FBXL20: variants seen among roughly 807,000 people sequenced by gnomAD.
FBXL20 encodes F-box and leucine rich repeat protein 20.
In FBXL20, 11 loss-of-function variants were observed where a neutral mutation model predicts 64.0. The ratio of observed to expected loss-of-function variants is 0.17; its 90% CI spans 0.11 to 0.28. The LOEUF is 0.28. Ranked by LOEUF, FBXL20 falls within the 10% of genes least tolerant of loss-of-function variation. The pLI, the probability that FBXL20 is intolerant of heterozygous loss-of-function variation, is 1.00. For missense variants in FBXL20, 303 were observed against 526.2 expected (o/e 0.58, Z 4.15); for synonymous variants, 184 against 189.0 (o/e 0.97, Z 0.22).
rs1330856725 is a variant in FBXL20 at position 39,256,014 on chromosome 17, A to G, written c.*5446T>C. 3 of 152,054 alleles carry G rather than the reference A, an allele frequency of 2.0e-5. No homozygotes were observed. Among genetic ancestry groups the G allele is most frequent in the Admixed American group, 6.6e-5 (1 of 15,266 alleles). 9.4% of individuals were successfully genotyped at this position (152,054 alleles called of 1,614,324 possible). On this transcript the variant is annotated 3_prime_UTR_variant, in exon 15 of 15. Transcript: ENST00000264658. ...ACAGCTCTCTGTATCTTCCAATCTT[A>G]CATTTAAAATTTATGATAGAAACTG... is the stretch of plus-strand genomic sequence containing the variant.
intron 2 of FBXL20, among the ~76,000 whole-genome samples, chr17:39,337,135 G>A (rs572067921): frequency 1.1e-3 from 165 of 152,250 alleles, no homozygotes; most frequent in Non-Finnish European, 1.9e-3. Context: ...GCAGGCGCGC[G>A]CCGCCACGCC....
At chr17:39,321,898 C>A (rs919295571) in intron 2 of FBXL20, among the ~76,000 whole-genome samples, 1 of 151,754 alleles carries the variant, frequency 6.6e-6, no homozygotes, top group Non-Finnish European at 1.5e-5. Context: ...AAATCAGTTA[C>A]CATATTCCTA....
intron 10 of FBXL20, among the ~76,000 whole-genome samples, chr17:39,271,717 G>C (rs1427222356): frequency 1.3e-5 from 2 of 151,990 alleles, no homozygotes; most frequent in African/African-American, 4.8e-5. Context: ...CTCCCATGGA[G>C]GCCCAGTTGA....
chr17:39,333,129 GCTCTCCCTCTCCCTCTCCCTCCTCC>G (rs1246639175), intron 2 of FBXL20, among the ~76,000 whole-genome samples: 2 of 151,792 alleles, frequency 1.3e-5, no homozygotes, highest in Non-Finnish European at 2.9e-5. Flanking sequence ...AAAAAATTCA[GCTCTCCCTCTCCCTCTCCCTCCTCC>G]CTCTCCGTCT....
intron 2 of FBXL20, among the ~76,000 whole-genome samples, chr17:39,321,790 A>C (rs865867825): frequency 4.0e-5 from 6 of 151,774 alleles, no homozygotes; most frequent in East Asian, 1.9e-4. Context: ...CAAAAAAAAA[A>C]AAAAAAACAA....
Position 39,268,844 on chromosome 17 carries a change from G to C in FBXL20, c.916C>G (p.Leu306Val), listed in dbSNP as rs1302617112. Residue 306 changes from leucine to valine, a missense_variant, in exon 12 of 15, where the codon CTG becomes GTG. Around this residue, in one of 3 missense-constraint regions of FBXL20, gnomAD observed 246 missense variants for 422.6 expected, o/e 0.58. Transcript: ENST00000264658. ...RNCHELEKMD[L>V]EECVQITDST... ...AATCTTACCTGAACACACTCTTCCA[G>C]GTCCATCTTTTCAAGTTCATGGCAA... 1 of 1,613,708 alleles carries C rather than the reference G, an allele frequency of 6.2e-7. No homozygotes were observed. The highest frequency in any genetic ancestry group is 8.5e-7 in the Non-Finnish European group (1 of 1,179,788).
intron 1 of FBXL20, among the ~76,000 whole-genome samples, chr17:39,361,871 G>A (rs1302360717): frequency 6.6e-6 from 1 of 151,776 alleles, no homozygotes; most frequent in African/African-American, 2.4e-5. Flanking sequence ...GCTGAGGTAT[G>A]AGGACTGCCC....
rs111278231 is a variant in FBXL20, at chr17:39,359,175, A to T, written c.43-15934T>A. 3.3e-3 allele frequency among the ~76,000 whole-genome samples: 506 copies of T among 152,008 alleles called. 4 individuals carry two copies. Among genetic ancestry groups the T allele is most frequent in the African/African-American group, 9.7e-3 (403 of 41,452 alleles). Reference sequence around the variant, plus strand: ...TGGCCAACCCCATATCTACAAAAAAAATATAAAAAATTAGCGTGGCGGCAC... The same window carrying T: ...TGGCCAACCCCATATCTACAAAAAATATATAAAAAATTAGCGTGGCGGCAC... On this transcript the variant is annotated intron_variant, in intron 1 of 14. Coordinates refer to ENST00000264658, the MANE Select transcript of FBXL20 (RefSeq NM_032875.3).
chr17:39,323,011 C>T (rs577879355), intron 2 of FBXL20, among the ~76,000 whole-genome samples: 2 of 150,504 alleles, frequency 1.3e-5, no homozygotes, highest in African/African-American at 4.9e-5. Flanking sequence ...CACTCTGTCG[C>T]CAGGCTGGAG....
chr17:39,342,231 C>T (rs187115988), intron 2 of FBXL20, among the ~76,000 whole-genome samples: 1 of 152,008 alleles, frequency 6.6e-6, no homozygotes, highest in Non-Finnish European at 1.5e-5. Flanking sequence ...GGGCCAGTTA[C>T]CAGAGTCAAG....
intron 1 of FBXL20, among the ~76,000 whole-genome samples, chr17:39,399,526 G>A (rs1597843517): frequency 6.6e-6 from 1 of 151,990 alleles, no homozygotes; most frequent in Non-Finnish European, 1.5e-5. Context: ...TCTGTATTCC[G>A]GCATGGAACA....
At chr17:39,321,157 T>TA (rs71147317) in intron 2 of FBXL20, among the ~76,000 whole-genome samples, 59,503 of 151,928 alleles carry the variant, frequency 0.39, 15,303 homozygotes, top group African/African-American at 0.73. Context: ...ACATGCTGTA[T>TA]AAAACTAATC....
intron 2 of FBXL20, among the ~76,000 whole-genome samples, chr17:39,320,024 G>C (rs1364886523): frequency 6.6e-6 from 1 of 152,160 alleles, no homozygotes; most frequent in Non-Finnish European, 1.5e-5. Flanking sequence ...TTCTGTCCTT[G>C]AGACAGTCAC....
intron 1 of FBXL20, among the ~76,000 whole-genome samples, chr17:39,363,883 CTTTTTTTTTTTTT>C (rs71147324): frequency 2.1e-5 from 1 of 48,670 alleles, no homozygotes; most frequent in Non-Finnish European, 3.3e-5. Flanking sequence ...TGAATCATAT[CTTTTTTTTTTTTT>C]TTTTTTTTTT....
chr17:39,291,426 CTTTT>C (rs1416417449), intron 6 of FBXL20, among the ~76,000 whole-genome samples: 3 of 140,434 alleles, frequency 2.1e-5, no homozygotes, highest in Non-Finnish European at 4.6e-5. Flanking sequence ...GATTTTAAAA[CTTTT>C]CTTTTTTTTT....
At chr17:39,329,917 C>A (rs1419177021) in intron 2 of FBXL20, among the ~76,000 whole-genome samples, 1 of 152,084 alleles carries the variant, frequency 6.6e-6, no homozygotes, top group East Asian at 1.9e-4. Context: ...TTGCTTGAGT[C>A]CAGGAGTTTG....
At chr17:39,400,652 C>G (rs1054861681) in intron 1 of FBXL20, among the ~76,000 whole-genome samples, 1 of 152,204 alleles carries the variant, frequency 6.6e-6, no homozygotes, top group Admixed American at 6.5e-5. Flanking sequence ...CCGTCCACTC[C>G]TCAATTCCAG....
intron 1 of FBXL20, among the ~76,000 whole-genome samples, chr17:39,350,871 G>A (rs1249766165): frequency 6.6e-6 from 1 of 152,142 alleles, no homozygotes; most frequent in African/African-American, 2.4e-5. Flanking sequence ...TAGGTGGGCA[G>A]GAGAGAAAAT....
chr17:39,392,356 C>A (rs1157404606), intron 1 of FBXL20, among the ~76,000 whole-genome samples: 1 of 151,490 alleles, frequency 6.6e-6, no homozygotes, highest in Non-Finnish European at 1.5e-5. Flanking sequence ...ACCAGAATCA[C>A]CTGAACCTGG....
Sources: allele counts gnomAD v4.1 joint callset (sites outside exome capture counted in the v4.1 genomes callset), GRCh38; gene constraint gnomAD v4.1.1; regional missense constraint gnomAD v4.1.1; transcripts MANE v1.5; gene names NCBI Gene and HGNC (gene_info 2026-07-23, HGNC 2026-07-21).